Variants in MFHAS1 observed in about 807,000 individuals in gnomAD.
MFHAS1 encodes malignant fibrous histiocytoma-amplified sequence 1.
Under a neutral mutation model 70.4 loss-of-function variants are expected in MFHAS1, and 50 were observed. That is an observed-to-expected ratio of 0.71 (90% CI 0.57 to 0.90). The LOEUF is 0.90. Ranked by LOEUF, MFHAS1 falls within the 40% of genes least tolerant of loss-of-function variation. The pLI, the probability that MFHAS1 is intolerant of heterozygous loss-of-function variation, is 0.00. For missense variants in MFHAS1, 1,795 were observed against 1,347.6 expected (o/e 1.33, Z -5.20); for synonymous variants, 952 against 620.0 (o/e 1.54, Z -7.96).
intron 1 of MFHAS1, among the ~76,000 whole-genome samples, chr8:8,821,420 A>C (rs1193468645): frequency 1.3e-5 from 2 of 152,238 alleles, no homozygotes; most frequent in African/African-American, 4.8e-5. Context: ...ATCGGCATGG[A>C]GAATAGCATG....
intron 1 of MFHAS1, among the ~76,000 whole-genome samples, chr8:8,833,957 C>T (rs931190963): frequency 6.6e-6 from 1 of 151,980 alleles, no homozygotes; most frequent in African/African-American, 2.4e-5. Context: ...AAAACCCCGT[C>T]TCTACTAAAA....
rs557426437 is a variant in MFHAS1, at chr8:8,810,679, TG to T, written c.2999-13189del. 3.3e-5 allele frequency among the ~76,000 whole-genome samples: 5 copies of T among 152,384 alleles called. No homozygotes were observed. The East Asian group carries it at 9.6e-4, about 29-fold the overall frequency. ...ATAAAACATACGAAATACATGCTGA[TG>T]AACTACTGATGTTATCCGTTAAGGC... is the stretch of plus-strand genomic sequence containing the variant. On this transcript the variant is annotated intron_variant, in intron 1 of 2. Coordinates refer to ENST00000276282, the MANE Select transcript of MFHAS1 (RefSeq NM_004225.3).
chr8:8,886,264 CAAGT>C (rs1422961007), intron 1 of MFHAS1, among the ~76,000 whole-genome samples: 1 of 151,950 alleles, frequency 6.6e-6, no homozygotes, highest in Non-Finnish European at 1.5e-5. Context: ...CTCCCATGCT[CAAGT>C]GATTGTCCCA....
chr8:8,891,060 C>T lies in MFHAS1; in HGVS notation c.1999G>A (p.Glu667Lys), dbSNP rs781412122. ...RVLPRSWQVL[E>K]ELHFQPPQAQ... is the part of the protein sequence containing the mutation. ...TGAGGTGGCTGGAAATGCAGTTCCT[C>T]CAGCACCTGCCAGGATCGAGGCAGT... The change falls in exon 1 of 3, where the codon GAG (glutamate) becomes AAG (lysine). Residue 667 changes from glutamate to lysine, a missense_variant. Transcript: ENST00000276282. The surrounding 1 kb of genome is among the most constrained non-coding windows in gnomAD (Gnocchi z 5.4). 1.9e-6 allele frequency: 3 copies of T among 1,613,508 alleles called. No individual in the cohort carries two copies. Among genetic ancestry groups the T allele is most frequent in the African/African-American group, 1.3e-5 (1 of 74,910 alleles).
intron 1 of MFHAS1, among the ~76,000 whole-genome samples, chr8:8,868,364 A>T (rs1416509850): frequency 6.7e-6 from 1 of 150,042 alleles, no homozygotes; most frequent in Non-Finnish European, 1.5e-5. Context: ...AGATGCAAAG[A>T]TTTTTTTTAA....
At chr8:8,886,684 T>C (rs1585073682) in intron 1 of MFHAS1, among the ~76,000 whole-genome samples, 1 of 152,350 alleles carries the variant, frequency 6.6e-6, no homozygotes, top group East Asian at 1.9e-4. Context: ...TTACTTTTAC[T>C]GTAACATCCC....
intron 1 of MFHAS1, among the ~76,000 whole-genome samples, chr8:8,883,289 G>A (rs1809600829): frequency 1.3e-5 from 2 of 152,234 alleles, no homozygotes; most frequent in Non-Finnish European, 2.9e-5. Context: ...CGCCAAGGCT[G>A]CCAGAGACAA....
intron 1 of MFHAS1, among the ~76,000 whole-genome samples, chr8:8,861,343 A>T (rs1449104017): frequency 1.3e-5 from 2 of 152,240 alleles, no homozygotes; most frequent in African/African-American, 4.8e-5. Flanking sequence ...TTTGTAGGTC[A>T]AGAATGATTG....
At chr8:8,846,303 G>GAGGAGGGGA (rs1333518888) in intron 1 of MFHAS1, among the ~76,000 whole-genome samples, 1 of 120,074 alleles carries the variant, frequency 8.3e-6, no homozygotes, top group Non-Finnish European at 1.7e-5. Context: ...GGATAAGAAG[G>GAGGAGGGGA]AGGAGGGGAA....
At chr8:8,852,053 G>A (rs1309430055) in intron 1 of MFHAS1, among the ~76,000 whole-genome samples, 1 of 152,166 alleles carries the variant, frequency 6.6e-6, no homozygotes, top group African/African-American at 2.4e-5. Flanking sequence ...TGGAATGCCG[G>A]CTTCCATTCG....
At chr8:8,835,571 T>C (rs766869686) in intron 1 of MFHAS1, among the ~76,000 whole-genome samples, 1 of 152,214 alleles carries the variant, frequency 6.6e-6, no homozygotes, top group Non-Finnish European at 1.5e-5. Flanking sequence ...ACTTGCTATA[T>C]AATGATCTTT....
intron 2 of MFHAS1, among the ~76,000 whole-genome samples, chr8:8,792,542 G>A (rs1805753991): frequency 6.6e-6 from 1 of 152,112 alleles, no homozygotes. Flanking sequence ...GGAGGCGGAG[G>A]TTGTGGTGAG....
At chr8:8,814,158 G>A (rs537641106) in intron 1 of MFHAS1, among the ~76,000 whole-genome samples, 4 of 152,122 alleles carry the variant, frequency 2.6e-5, no homozygotes, top group South Asian at 2.1e-4. Context: ...GGCTGGCCTC[G>A]AACTCCTGAC....
chr8:8,866,555 C>T (rs564304027), intron 1 of MFHAS1, among the ~76,000 whole-genome samples: 3 of 152,146 alleles, frequency 2.0e-5, no homozygotes, highest in African/African-American at 4.8e-5. Flanking sequence ...TGGGCTCAAG[C>T]GATCCTCCCA....
intron 1 of MFHAS1, among the ~76,000 whole-genome samples, chr8:8,847,536 A>C (rs1463525967): frequency 1.3e-5 from 2 of 152,194 alleles, no homozygotes; most frequent in Non-Finnish European, 1.5e-5. Flanking sequence ...AGCAGGCAGG[A>C]TCTACTTGAC....
chr8:8,891,982 G>T lies in MFHAS1; in HGVS notation c.1077C>A (p.Asp359Glu). The part of the protein sequence containing the change: ...LQGNQIAVLP[D>E]HFGQLSRVGL... ...CCACCCGGGAGAGCTGGCCAAAGTGGTCGGGCAGCACCGCGATCTGGTTCC... is the reference window on the plus strand; with the variant it reads ...CCACCCGGGAGAGCTGGCCAAAGTGTTCGGGCAGCACCGCGATCTGGTTCC... Residue 359 changes from aspartate (D) to glutamate (E), a missense_variant, in exon 1 of 3, where the codon GAC (aspartate) becomes GAA (glutamate). Coordinates refer to ENST00000276282, the MANE Select transcript of MFHAS1 (RefSeq NM_004225.3). This position sits in a 1 kb window ranked among gnomAD's most constrained non-coding sequence, Gnocchi z 5.4. The T allele has an allele frequency of 1.9e-6, 3 of 1,613,200 alleles. 1 individual carries two copies. The South Asian group carries it at 3.3e-5, about 18-fold the overall frequency.
In MFHAS1 at chr8:8,892,870, C is replaced by G; in HGVS notation, c.189G>C (p.Gly63=). The change falls in exon 1 of 3, where the codon GGG becomes GGC. Residue 63 remains glycine (G), a synonymous_variant. Coordinates refer to ENST00000276282, the MANE Select transcript of MFHAS1 (RefSeq NM_004225.3). The surrounding 1 kb of genome is among the most constrained non-coding windows in gnomAD (Gnocchi z 4.7). ...SPQLVLPANL[G]DIEALNLGNN... is the part of the protein sequence containing the mutation. ...TCCCCAGGTTCAGTGCCTCAATGTC[C>G]CCGAGGTTGGCCGGCAGCACGAGCT... The G allele has an allele frequency of 1.3e-6, 2 of 1,589,432 alleles. No homozygotes were observed. Among genetic ancestry groups the G allele is most frequent in the Middle Eastern group, 1.7e-4 (1 of 5,920 alleles).
chr8:8,796,015 T>TGC (rs1805880291), intron 2 of MFHAS1, among the ~76,000 whole-genome samples: 2 of 152,230 alleles, frequency 1.3e-5, no homozygotes, highest in African/African-American at 4.8e-5. Flanking sequence ...GATCTGTGGC[T>TGC]GCTGCTTTTC....
chr8:8,795,243 TC>T (rs1254799773), intron 2 of MFHAS1, among the ~76,000 whole-genome samples: 1 of 152,066 alleles, frequency 6.6e-6, no homozygotes, highest in East Asian at 1.9e-4. Flanking sequence ...ACATATAATA[TC>T]CCCTTATCCA....
Sources: allele counts gnomAD v4.1 joint callset (sites outside exome capture counted in the v4.1 genomes callset), GRCh38; gene constraint gnomAD v4.1.1; non-coding constraint Gnocchi (gnomAD v3.1); transcripts MANE v1.5; gene names NCBI Gene and HGNC (gene_info 2026-07-23, HGNC 2026-07-21).